The following PCDH15 variants were observed in gnomAD, a reference collection of about 807,000 sequenced individuals.
PCDH15 encodes protocadherin-15.
A neutral mutation model predicts 178.5 loss-of-function variants in PCDH15; 129 were observed. That is an observed-to-expected ratio of 0.72 (90% CI 0.63 to 0.84). The LOEUF (loss-of-function observed/expected upper bound fraction) is 0.84, where lower values mean the gene tolerates loss of function less well. Ranked by LOEUF, PCDH15 falls within the 40% of genes least tolerant of loss-of-function variation. PCDH15 has a pLI of 0.00. For missense variants in PCDH15, 2,230 were observed against 2,099.9 expected (o/e 1.06, Z -1.21); for synonymous variants, 800 against 732.0 (o/e 1.09, Z -1.50).
At position 55,338,635 on chromosome 10, in the gene PCDH15, G is replaced by C. The variant is rs866677502; in HGVS notation, c.-155-171984C>G. ...ATATAAAAACTAGCTGAGAGTGGTG[G>C]GGTGCACTTGTAATCCCTGCCACTT... On this transcript the variant is annotated intron_variant, in intron 2 of 5. Transcript: ENST00000613346. 7.2e-5 allele frequency among the ~76,000 whole-genome samples: 11 copies of C among 152,166 alleles called. No individual in the cohort carries two copies. The Middle Eastern group carries it at 0.017, about 235-fold the overall frequency.
intron 1 of PCDH15, among the ~76,000 whole-genome samples, chr10:55,214,887 C>T (rs867261462): frequency 1.3e-5 from 2 of 152,210 alleles, no homozygotes; most frequent in Non-Finnish European, 1.5e-5. Flanking sequence ...CTTCTCACTC[C>T]TAAATTCTAT....
At chr10:55,023,541 T>A (rs1486560725) in intron 2 of PCDH15, among the ~76,000 whole-genome samples, 2 of 151,970 alleles carry the variant, frequency 1.3e-5, no homozygotes, top group Non-Finnish European at 2.9e-5. Context: ...AAATTCTAGA[T>A]CGACTATTAA....
chr10:54,698,906 G>T (rs1413067293), intron 1 of PCDH15, among the ~76,000 whole-genome samples: 1 of 152,080 alleles, frequency 6.6e-6, no homozygotes, highest in African/African-American at 2.4e-5. Flanking sequence ...CTTTGATAAT[G>T]ATTATGACTT....
chr10:55,579,890 C>T (rs1842573122), intron 2 of PCDH15, among the ~76,000 whole-genome samples: 1 of 151,980 alleles, frequency 6.6e-6, no homozygotes, highest in African/African-American at 2.4e-5. Flanking sequence ...GAGTTTCGCT[C>T]TTGTTGTCCA....
At chr10:53,955,122 G>A (rs1280180915) in intron 23 of PCDH15, among the ~76,000 whole-genome samples, 6 of 152,186 alleles carry the variant, frequency 3.9e-5, no homozygotes, top group African/African-American at 4.8e-5. Context: ...TTCTCACAAC[G>A]TAATGTGAGC....
chr10:55,627,402 CAACACA>C (rs1837553948), intron 2 of PCDH15, among the ~76,000 whole-genome samples: 1 of 152,008 alleles, frequency 6.6e-6, no homozygotes, highest in South Asian at 2.1e-4. Context: ...CACATTCCCC[CAACACA>C]AACACATACA....
At chr10:54,795,883 T>C (rs1000642898) in intron 1 of PCDH15, among the ~76,000 whole-genome samples, 1 of 151,940 alleles carries the variant, frequency 6.6e-6, no homozygotes, top group Non-Finnish European at 1.5e-5. Flanking sequence ...TCAAGGATGA[T>C]GATGATGATA....
chr10:55,606,264 A>G (rs1421128079), intron 2 of PCDH15, among the ~76,000 whole-genome samples: 1 of 91,620 alleles, frequency 1.1e-5, no homozygotes, highest in Non-Finnish European at 2.1e-5. Flanking sequence ...AACAAATGGA[A>G]GAACATTCCA....
At chr10:55,181,247 T>A (rs1194595691) in intron 1 of PCDH15, among the ~76,000 whole-genome samples, 1 of 152,042 alleles carries the variant, frequency 6.6e-6, no homozygotes, top group Non-Finnish European at 1.5e-5. Context: ...GCCAGCATAT[T>A]ATAATTATTG....
intron 32 of PCDH15, chr10:53,821,106 C>G: frequency 1.0e-6 from 1 of 979,848 alleles, no homozygotes; most frequent in Non-Finnish European, 1.2e-6. Flanking sequence ...AAGTCAACGA[C>G]TCAAGATTTA....
rs1169302544 is a variant in PCDH15, at chr10:54,174,702, C to CTTTTTTTTTTTTTTT, written c.1590+8727_1590+8741dup. On this transcript the variant is annotated intron_variant, in intron 13 of 37. Transcript: ENST00000644397. ...CTTCTTTCTTTTTTCTTTTTCTTTT[C>CTTTTTTTTTTTTTTT]TTTTTTTTTTTTTTTTTTTTTGAGA... 6.4e-4 allele frequency among the ~76,000 whole-genome samples: 54 copies of CTTTTTTTTTTTTTTT among 84,048 alleles called. 4 individuals carry two copies. The highest frequency in any genetic ancestry group is 9.0e-4 in the Non-Finnish European group (42 of 46,780). The allele number at this position is 84,048 out of a possible 152,430, so 55.1% of individuals were successfully genotyped here.
chr10:54,348,387 A>G (rs148025952), intron 5 of PCDH15, among the ~76,000 whole-genome samples: 110 of 152,306 alleles, frequency 7.2e-4, no homozygotes, highest in African/African-American at 2.0e-3. Context: ...AGTAGTACCT[A>G]TGAGGACATC....
At chr10:54,170,557 A>G (rs2046787037) in intron 13 of PCDH15, among the ~76,000 whole-genome samples, 1 of 150,100 alleles carries the variant, frequency 6.7e-6, no homozygotes, top group African/African-American at 2.5e-5. Context: ...AGCTATACTC[A>G]CTCTTTGTTG....
At chr10:54,048,322 A>G (rs936900407) in intron 18 of PCDH15, among the ~76,000 whole-genome samples, 12 of 152,306 alleles carry the variant, frequency 7.9e-5, no homozygotes, top group Admixed American at 2.6e-4. Context: ...AAAGCTGCAT[A>G]GTTAGCAAAT....
intron 2 of PCDH15, among the ~76,000 whole-genome samples, chr10:54,969,005 C>T (rs1838865180): frequency 1.3e-5 from 2 of 151,900 alleles, no homozygotes; most frequent in South Asian, 4.1e-4. Context: ...TCTTCATGTA[C>T]ATTTAGAATG....
At chr10:53,808,667 A>G in intron 37 of PCDH15, 1 of 1,602,692 alleles carries the variant, frequency 6.2e-7, no homozygotes, top group South Asian at 1.1e-5. Context: ...CATCACAGCA[A>G]AACTTCCACC....
intron 2 of PCDH15, among the ~76,000 whole-genome samples, chr10:55,016,406 C>T (rs1305701881): frequency 9.4e-6 from 1 of 106,222 alleles, no homozygotes; most frequent in African/African-American, 2.8e-5. Context: ...CCCTAGAACC[C>T]ATCACCTTCC....
rs1396182847 is a variant in PCDH15 at position 55,516,189 on chromosome 10, G to C, written c.-156+111436C>G. Among the ~76,000 whole-genome samples the C allele has an allele frequency of 2.0e-5, 3 of 151,858 alleles. No homozygotes were observed. The East Asian group carries it at 5.8e-4, about 30-fold the overall frequency. On this transcript the variant is annotated intron_variant, in intron 2 of 5. Transcript: ENST00000613346. The stretch of plus-strand genomic sequence containing the variant: ...CCCGGTGGGAGATAATTGAATTGTG[G>C]ACGGTTCCCCCCCATACCGTTCTCA...
At chr10:55,243,018 T>TA (rs1841593883) in intron 1 of PCDH15, among the ~76,000 whole-genome samples, 1 of 152,176 alleles carries the variant, frequency 6.6e-6, no homozygotes, top group South Asian at 2.1e-4. Context: ...GGAAATGGAA[T>TA]AGAGACCTTA....
Sources: gnomAD v4.1 joint callset for allele counts (sites outside exome capture counted in the v4.1 genomes callset) on GRCh38, gnomAD v4.1.1 for gene constraint, MANE v1.5 for transcripts, NCBI Gene and HGNC (gene_info 2026-07-23, HGNC 2026-07-21) for gene names.